Variants in JARID2 observed in about 807,000 individuals in gnomAD.
The protein encoded by JARID2 is protein Jumonji.
A neutral mutation model predicts 125.6 loss-of-function variants in JARID2; 21 were observed. That is an observed-to-expected ratio of 0.17 (90% CI 0.12 to 0.24). The LOEUF is 0.24. Among genes scored for constraint, JARID2 ranks in the 10% least tolerant of loss-of-function variants. The pLI is 1.00. For synonymous variants in JARID2, 736 were observed against 661.6 expected, an observed-to-expected ratio of 1.11 and a Z score of -1.73; for missense variants, 1,303 against 1,639.6, an observed-to-expected ratio of 0.79 and a Z score of 3.55.
intron 13 of JARID2, 37 bp from the exon 14 acceptor site, chr6:15,512,171 C>G (rs200606441): frequency 6.3e-7 from 1 of 1,597,246 alleles, no homozygotes; most frequent in South Asian, 1.1e-5. Context: ...TCCCTGCGCA[C>G]AGGGAGGGGT....
chr6:15,507,222 A>T lies in JARID2; in HGVS notation c.2628A>T (p.Gly876=), dbSNP rs762867403. 1.2e-5 allele frequency: 19 copies of T among 1,613,796 alleles called. No individual in the cohort carries two copies. The highest frequency in any genetic ancestry group is 1.7e-5 in the Admixed American group (1 of 60,000). ...GKVDTNTHGS[G]FPVGKSEPFS... is the part of the protein sequence containing the mutation. ...TGGACACCAACACTCACGGCAGTGG[A>T]TTCCCAGTAGGAAAATCAGAACCCT... The change falls in exon 10 of 18, where the codon GGA becomes GGT. Residue 876 remains glycine (G), a synonymous_variant. Transcript: ENST00000341776.
chr6:15,466,800 A>AT (rs1186404357), intron 4 of JARID2, among the ~76,000 whole-genome samples: 1 of 151,984 alleles, frequency 6.6e-6, no homozygotes, highest in African/African-American at 2.4e-5. Context: ...GTGGATAGAT[A>AT]TTTTTTTCTC....
Position 15,401,898 on chromosome 6 carries a change from GTTTTT to G in JARID2, c.182-8308_182-8304del, listed in dbSNP as rs34203284. Among the ~76,000 whole-genome samples, 337 of 126,466 alleles carry G rather than the reference GTTTTT, an allele frequency of 2.7e-3. 2 individuals are homozygous for G. Among genetic ancestry groups the G allele is most frequent in the Middle Eastern group, 4.3e-3 (1 of 232 alleles). The allele number at this position is 126,466 out of a possible 152,430, so 83.0% of individuals were successfully genotyped here. On this transcript the variant is annotated intron_variant, in intron 2 of 17. Transcript: ENST00000341776. ...TTTCTGAAGTTATTTGTTGTCAGCA[GTTTTT>G]TTTTTTTTTTTTTTTTTACTTTGAA... is the stretch of plus-strand genomic sequence containing the variant.
At chr6:15,290,262 C>T (rs1761156390) in intron 1 of JARID2, among the ~76,000 whole-genome samples, 1 of 152,160 alleles carries the variant, frequency 6.6e-6, no homozygotes, top group Non-Finnish European at 1.5e-5. Context: ...AATACTTCAT[C>T]GTATGGACAT....
At chr6:15,486,622 CTAGCTAT>C (rs2127715486) in intron 5 of JARID2, among the ~76,000 whole-genome samples, 1 of 152,334 alleles carries the variant, frequency 6.6e-6, no homozygotes, top group South Asian at 2.1e-4. Flanking sequence ...TTAAGAAATA[CTAGCTAT>C]TAGCTATTGC....
At chr6:15,265,991 C>T (rs1406819417) in intron 1 of JARID2, among the ~76,000 whole-genome samples, 2 of 152,168 alleles carry the variant, frequency 1.3e-5, no homozygotes, top group African/African-American at 2.4e-5. Context: ...CTTCCTTCCT[C>T]CCAGCTGGAA....
At chr6:15,266,953 T>G (rs1760108162) in intron 1 of JARID2, among the ~76,000 whole-genome samples, 1 of 152,370 alleles carries the variant, frequency 6.6e-6, no homozygotes, top group African/African-American at 2.4e-5. Flanking sequence ...CATTGTAATG[T>G]GGGGTGCACG....
chr6:15,509,448 C>CA lies in JARID2; in HGVS notation c.2846+995dup, dbSNP rs139596007. 4.4e-3 allele frequency: 3,102 copies of CA among 700,684 alleles called. 88 individuals carry two copies. In the African/African-American group the frequency reaches 0.056, roughly 13 times the overall value. The allele number at this position is 700,684 out of a possible 1,614,324, so 43.4% of individuals were successfully genotyped here. A position where few individuals can be genotyped will look rare whatever the true frequency, so the allele number is the denominator to read the frequency against. Reference sequence around the variant, plus strand: ...CTGTTCTGGTGAGTGGTGCTGTGGACATGAGGGAGCCCTCCCTTCCCACAT... The same window carrying CA: ...CTGTTCTGGTGAGTGGTGCTGTGGACAATGAGGGAGCCCTCCCTTCCCACAT... On this transcript the variant is annotated intron_variant, in intron 12 of 17. Transcript: ENST00000341776.
intron 1 of JARID2, among the ~76,000 whole-genome samples, chr6:15,256,877 A>G (rs1759685856): frequency 6.6e-6 from 1 of 152,250 alleles, no homozygotes; most frequent in Admixed American, 6.5e-5. Flanking sequence ...CATAGTATAC[A>G]TTCTAGGAAT....
At chr6:15,354,968 C>A (rs552480214) in intron 1 of JARID2, among the ~76,000 whole-genome samples, 3 of 152,098 alleles carry the variant, frequency 2.0e-5, no homozygotes, top group African/African-American at 7.2e-5. Context: ...GATTAGGCTG[C>A]GGATTGCTGA....
chr6:15,446,818 CTG>C (rs1767689352), intron 3 of JARID2, among the ~76,000 whole-genome samples: 1 of 152,218 alleles, frequency 6.6e-6, no homozygotes, highest in East Asian at 1.9e-4. Context: ...CACCAGAAGG[CTG>C]TGCTCACAAG....
At chr6:15,406,558 A>G (rs1482578223) in intron 2 of JARID2, among the ~76,000 whole-genome samples, 1 of 152,176 alleles carries the variant, frequency 6.6e-6, no homozygotes, top group Non-Finnish European at 1.5e-5. Flanking sequence ...ACTCATTGCA[A>G]TCCTCAGAAT....
intron 1 of JARID2, among the ~76,000 whole-genome samples, chr6:15,273,688 C>T (rs1025424631): frequency 3.3e-5 from 5 of 152,112 alleles, no homozygotes; most frequent in African/African-American, 4.8e-5. Context: ...GCAACAAGAG[C>T]GAAACTCTGT....
At chr6:15,287,389 G>A (rs1761044313) in intron 1 of JARID2, among the ~76,000 whole-genome samples, 1 of 152,150 alleles carries the variant, frequency 6.6e-6, no homozygotes, top group South Asian at 2.1e-4. Context: ...TTTGTCCTTT[G>A]TTGAATAACA....
intron 1 of JARID2, among the ~76,000 whole-genome samples, chr6:15,370,548 A>AG (rs1377987743): frequency 1.3e-5 from 2 of 152,062 alleles, no homozygotes; most frequent in East Asian, 3.9e-4. Flanking sequence ...TCACCGTGTT[A>AG]GCCAGGATGG....
At position 15,264,486 on chromosome 6, in the gene JARID2, T is replaced by C. The variant is rs116447585; in HGVS notation, c.45+17902T>C. On this transcript the variant is annotated intron_variant, in intron 1 of 17. Coordinates refer to ENST00000341776, the MANE Select transcript of JARID2 (RefSeq NM_004973.4). ...TTCTGTTCCAAATTGACTCCTGTGC[T>C]CAGGTCATTAGTTTGGCTTACTAAC... 5.6e-3 allele frequency among the ~76,000 whole-genome samples: 849 copies of C among 152,292 alleles called. 8 individuals carry two copies. The highest frequency in any genetic ancestry group is 0.02 in the African/African-American group (811 of 41,558).
At position 15,487,404 on chromosome 6, in the gene JARID2, C is replaced by T. The variant is rs541735464; in HGVS notation, c.768C>T (p.His256=). ...CCGCAAAGGAGAAGCACAGCGATCA[C>T]CGGGCTGACAGCCGCCGGGAGCAGG... ...ATPAKEKHSD[H]RADSRREQAS... is the part of the protein sequence containing the mutation. Residue 256 remains histidine, a synonymous_variant, in exon 6 of 18, where the codon CAC becomes CAT. Transcript: ENST00000341776. The T allele has an allele frequency of 1.3e-5, 21 of 1,614,266 alleles. No homozygotes were observed. The African/African-American group carries it at 2.1e-4, about 16-fold the overall frequency.
chr6:15,402,985 G>A (rs998449030), intron 2 of JARID2, among the ~76,000 whole-genome samples: 1 of 152,066 alleles, frequency 6.6e-6, no homozygotes, highest in African/African-American at 2.4e-5. Context: ...GAGCATCGTG[G>A]GTGTTTATAA....
intron 3 of JARID2, among the ~76,000 whole-genome samples, chr6:15,412,289 A>G (rs774444006): frequency 3.0e-4 from 45 of 152,096 alleles, no homozygotes; most frequent in Non-Finnish European, 5.3e-4. Flanking sequence ...GTGTAGTGTC[A>G]TTAGGGTATG....
Sources: gnomAD v4.1 joint callset for allele counts (sites outside exome capture counted in the v4.1 genomes callset) on GRCh38, gnomAD v4.1.1 for gene constraint, MANE v1.5 for transcripts, NCBI Gene and HGNC (gene_info 2026-07-23, HGNC 2026-07-21) for gene names.